The following KDM4C variants were observed in gnomAD, a reference collection of about 807,000 sequenced individuals.
KDM4C encodes lysine demethylase 4C, also known as lysine-specific demethylase 4C.
Under a neutral mutation model 129.3 loss-of-function variants are expected in KDM4C, and 81 were observed. The observed-to-expected ratio is 0.63, with a 90% CI of 0.52 to 0.75. KDM4C has a LOEUF of 0.75. KDM4C is among the 30% of genes least tolerant of loss of function. The pLI is 0.00. For missense variants in KDM4C, 1,457 were observed against 1,304.0 expected (o/e 1.12, Z -1.81); for synonymous variants, 573 against 456.1 (o/e 1.26, Z -3.26).
intron 8 of KDM4C, among the ~76,000 whole-genome samples, chr9:6,919,067 G>T (rs1230810739): frequency 2.6e-5 from 4 of 152,030 alleles, no homozygotes; most frequent in Admixed American, 1.3e-4. Flanking sequence ...TGGCCAGACT[G>T]GTCTTGAACT....
At chr9:6,859,369 G>A (rs995210843) in intron 5 of KDM4C, among the ~76,000 whole-genome samples, 3 of 151,584 alleles carry the variant, frequency 2.0e-5, no homozygotes, top group African/African-American at 4.9e-5. Flanking sequence ...CAGCTACTCG[G>A]GAGGCTGAGG....
chr9:7,030,588 C>A (rs185703509), intron 15 of KDM4C, among the ~76,000 whole-genome samples: 237 of 152,084 alleles, frequency 1.6e-3, no homozygotes, highest in African/African-American at 5.6e-3. Context: ...AGTTTCTGTA[C>A]CCTTCAATTA....
chr9:6,804,307 A>T (rs540828321), intron 2 of KDM4C, among the ~76,000 whole-genome samples: 1 of 152,182 alleles, frequency 6.6e-6, no homozygotes, highest in African/African-American at 2.4e-5. Flanking sequence ...TAGTGATGTC[A>T]CGTTGGTAGG....
chr9:6,859,722 C>T (rs985697746), intron 5 of KDM4C, among the ~76,000 whole-genome samples: 4 of 151,052 alleles, frequency 2.6e-5, no homozygotes, highest in African/African-American at 4.9e-5. Context: ...AAAATTTAGC[C>T]GGGCGTGGTT....
chr9:6,875,105 T>G (rs1215814689), intron 5 of KDM4C, among the ~76,000 whole-genome samples: 1 of 152,098 alleles, frequency 6.6e-6, no homozygotes, highest in Non-Finnish European at 1.5e-5. Flanking sequence ...ATTTTCTGCT[T>G]TCGTGATTTT....
At chr9:6,752,662 G>A (rs142647393), upstream of KDM4C, among the ~76,000 whole-genome samples, 235 of 151,878 alleles carry the variant, frequency 1.5e-3, 3 homozygotes, top group African/African-American at 4.3e-3. Context: ...CGTCCACCTC[G>A]CCTTCCCTGG....
intron 1 of KDM4C, among the ~76,000 whole-genome samples, chr9:6,759,294 C>T (rs1334980468): frequency 6.6e-6 from 1 of 152,136 alleles, no homozygotes; most frequent in Admixed American, 6.6e-5. Flanking sequence ...GTCTAAATTC[C>T]GGGCAGCTTG....
At chr9:7,011,422 G>A (rs10975972) in intron 12 of KDM4C, among the ~76,000 whole-genome samples, 6,102 of 152,220 alleles carry the variant, frequency 0.04, 382 homozygotes, top group African/African-American at 0.14. Context: ...GTGGGAAGGA[G>A]GGAACAGTGT....
chr9:7,132,658 G>T (rs1840769628), intron 19 of KDM4C, among the ~76,000 whole-genome samples: 1 of 152,168 alleles, frequency 6.6e-6, no homozygotes, highest in African/African-American at 2.4e-5. Flanking sequence ...ATTTTGATGG[G>T]CATGAAAGTT....
At chr9:6,837,677 A>G (rs1836138895) in intron 4 of KDM4C, among the ~76,000 whole-genome samples, 2 of 152,044 alleles carry the variant, frequency 1.3e-5, no homozygotes, top group East Asian at 1.9e-4. Context: ...TTTCTATTAG[A>G]TCTTTTGGCT....
intron 1 of KDM4C, among the ~76,000 whole-genome samples, chr9:6,763,007 C>A (rs1049913580): frequency 1.3e-5 from 2 of 151,986 alleles, no homozygotes; most frequent in Non-Finnish European, 2.9e-5. Flanking sequence ...TTCCCTACTT[C>A]CTCATCCTCC....
intron 17 of KDM4C, among the ~76,000 whole-genome samples, chr9:7,096,852 T>A (rs1321270085): frequency 6.6e-6 from 1 of 152,140 alleles, no homozygotes; most frequent in African/African-American, 2.4e-5. Flanking sequence ...AATAAAATGG[T>A]AGTCCTAATT....
Position 6,925,407 on chromosome 9 carries a change from C to A in KDM4C, c.921+32175C>A, listed in dbSNP as rs970854712. 7.2e-6 allele frequency: 7 copies of A among 977,424 alleles called. No individual in the cohort carries two copies. The African/African-American group carries it at 1.1e-4, about 15-fold the overall frequency. 60.5% of individuals were successfully genotyped at this position (977,424 alleles called of 1,614,324 possible). ...ATTAAAAGCTTTTTTTCTTTCCTTC[C>A]CTTTCCCTTTCCCCTTCCTCCTTTC... On this transcript the variant is annotated intron_variant, in intron 8 of 21. Coordinates refer to ENST00000381309, the MANE Select transcript of KDM4C (RefSeq NM_015061.6).
chr9:7,052,534 CAT>C (rs1440360170), intron 17 of KDM4C, among the ~76,000 whole-genome samples: 31 of 152,332 alleles, frequency 2.0e-4, no homozygotes, highest in South Asian at 1.7e-3. Context: ...AATTCACACA[CAT>C]GTCTGCATAT....
chr9:7,128,090 A>G lies in KDM4C; in HGVS notation c.2635A>G (p.Ile879Val). The G allele has an allele frequency of 3.1e-6, 5 of 1,594,174 alleles. No homozygotes were observed. Among genetic ancestry groups the G allele is most frequent in the Admixed American group, 1.8e-5 (1 of 56,744 alleles). ...GAAGTCCAAGGCTTGCGAGAAGGTC[A>G]TTTCCGTGGGTCAAACGGTCATCAC... ...NVKSKACEKV[I>V]SVGQTVITKH... Residue 879 changes from isoleucine (I) to valine (V), a missense_variant, in exon 19 of 22, where the codon ATT becomes GTT. Transcript: ENST00000381309.
intron 18 of KDM4C, 42 bp from the exon 19 acceptor site, chr9:7,128,024 T>G: frequency 7.4e-7 from 1 of 1,346,220 alleles, no homozygotes; most frequent in Non-Finnish European, 9.7e-7. Flanking sequence ...CTTTTCCTGT[T>G]CTCTTACTTC....
At chr9:6,760,969 A>G (rs1193063476) in intron 1 of KDM4C, among the ~76,000 whole-genome samples, 4 of 144,948 alleles carry the variant, frequency 2.8e-5, no homozygotes, top group African/African-American at 5.1e-5. Flanking sequence ...GCTTTATTCT[A>G]TGGTTAATGC....
At chr9:6,859,659 G>A (rs1015085090) in intron 5 of KDM4C, among the ~76,000 whole-genome samples, 7 of 150,596 alleles carry the variant, frequency 4.6e-5, no homozygotes, top group East Asian at 2.0e-4. Context: ...TCCGGAGATC[G>A]AAACCATCCT....
chr9:6,796,991 ATT>A (rs34065981), intron 2 of KDM4C, among the ~76,000 whole-genome samples: 46 of 143,858 alleles, frequency 3.2e-4, no homozygotes, highest in Admixed American at 4.9e-4. Context: ...TTAATGCACT[ATT>A]TTTTTTTTTT....
Sources: gnomAD v4.1 joint callset for allele counts (sites outside exome capture counted in the v4.1 genomes callset) on GRCh38, gnomAD v4.1.1 for gene constraint, MANE v1.5 for transcripts, NCBI Gene and HGNC (gene_info 2026-07-23, HGNC 2026-07-21) for gene names.